The following DAB1 variants were observed in gnomAD, a reference collection of about 807,000 sequenced individuals.
DAB1 encodes disabled homolog 1.
A neutral mutation model predicts 64.6 loss-of-function variants in DAB1; 15 were observed. That is an observed-to-expected ratio of 0.23 (90% CI 0.16 to 0.36). DAB1 has a LOEUF of 0.36. Among genes scored for constraint, DAB1 ranks in the 10% least tolerant of loss-of-function variants. The pLI is 1.00. For synonymous variants in DAB1, 235 were observed against 251.9 expected, an observed-to-expected ratio of 0.93 and a Z score of 0.64; for missense variants, 596 against 706.7, an observed-to-expected ratio of 0.84 and a Z score of 1.78.
chr1:58,500,689 T>A (rs1175130097), intron 3 of DAB1, among the ~76,000 whole-genome samples: 1 of 152,168 alleles, frequency 6.6e-6, no homozygotes, highest in African/African-American at 2.4e-5. Context: ...AACATAACCA[T>A]AAACAATGAG....
At chr1:57,029,592 C>A (rs1646903091) in intron 9 of DAB1, among the ~76,000 whole-genome samples, 1 of 152,168 alleles carries the variant, frequency 6.6e-6, no homozygotes, top group Non-Finnish European at 1.5e-5. Flanking sequence ...GAGGCTGTAC[C>A]CTGCAAAGCC....
At chr1:58,028,144 T>G (rs1646920997) in intron 5 of DAB1, among the ~76,000 whole-genome samples, 1 of 149,980 alleles carries the variant, frequency 6.7e-6, no homozygotes, top group Non-Finnish European at 1.5e-5. Context: ...TCCTACAAGA[T>G]AGGCACAGTT....
intron 7 of DAB1, among the ~76,000 whole-genome samples, chr1:57,469,520 C>A (rs941298753): frequency 2.0e-5 from 3 of 152,164 alleles, no homozygotes; most frequent in African/African-American, 7.2e-5. Context: ...ACCAACAGCC[C>A]CAGGTCCACT....
chr1:58,420,907 G>C (rs1644765422), intron 3 of DAB1, among the ~76,000 whole-genome samples: 1 of 152,074 alleles, frequency 6.6e-6, no homozygotes, highest in Non-Finnish European at 1.5e-5. Context: ...GCAGCTCCCT[G>C]GTATGCCAAG....
chr1:58,295,435 T>G (rs1661946619), intron 4 of DAB1, among the ~76,000 whole-genome samples: 2 of 152,106 alleles, frequency 1.3e-5, no homozygotes, highest in African/African-American at 2.4e-5. Context: ...AAGCATTTTG[T>G]AACCCTCTCT....
chr1:57,669,852 A>G (rs1646490199), intron 6 of DAB1, among the ~76,000 whole-genome samples: 1 of 152,188 alleles, frequency 6.6e-6, no homozygotes, highest in East Asian at 1.9e-4. Context: ...AGAAGTCTGA[A>G]AAACAGTACA....
intron 7 of DAB1, among the ~76,000 whole-genome samples, chr1:57,544,981 T>A (rs1406005410): frequency 6.6e-6 from 1 of 152,200 alleles, no homozygotes; most frequent in Non-Finnish European, 1.5e-5. Context: ...ACTAATACAA[T>A]GCCTCTCCTC....
At chr1:57,136,940 T>C (rs1182136379) in intron 3 of DAB1, among the ~76,000 whole-genome samples, 2 of 152,204 alleles carry the variant, frequency 1.3e-5, no homozygotes, top group Non-Finnish European at 2.9e-5. Flanking sequence ...GGTCCCAAGA[T>C]AGACACAATA....
chr1:57,725,520 A>G (rs866024807), intron 6 of DAB1, among the ~76,000 whole-genome samples: 25 of 152,280 alleles, frequency 1.6e-4, no homozygotes, highest in African/African-American at 5.8e-4. Context: ...CAGTAGTTTC[A>G]TTAACATAGC....
At chr1:58,110,506 T>C (rs1651912330) in intron 5 of DAB1, among the ~76,000 whole-genome samples, 1 of 152,216 alleles carries the variant, frequency 6.6e-6, no homozygotes, top group African/African-American at 2.4e-5. Context: ...TTTGATTTAC[T>C]TTTTGTGTCA....
intron 2 of DAB1, among the ~76,000 whole-genome samples, chr1:57,198,696 A>C (rs1664850861): frequency 1.6e-5 from 2 of 125,618 alleles, no homozygotes; most frequent in Non-Finnish European, 1.8e-5. Flanking sequence ...CACACCCATC[A>C]ACTTTTCCTG....
intron 4 of DAB1, among the ~76,000 whole-genome samples, chr1:58,267,633 G>T (rs1661202647): frequency 6.6e-6 from 1 of 152,148 alleles, no homozygotes; most frequent in South Asian, 2.1e-4. Flanking sequence ...AAATCTCCTG[G>T]GATGGGGAAG....
rs146567435 is a variant in DAB1, at chr1:58,229,950, G to A, written n.310-79362C>T. On this transcript the variant is annotated intron_variant and non_coding_transcript_variant, in intron 4 of 20. Transcript: ENST00000485760. ...ACAGATAGTGGCAGATCTGAGATGA[G>A]AACTCAGGTCTCTTTGCTCCCAGTC... Among the ~76,000 whole-genome samples, 909 of 152,278 alleles carry A rather than the reference G, an allele frequency of 6.0e-3. 5 individuals carry two copies. Among genetic ancestry groups the A allele is most frequent in the African/African-American group, 0.021 (869 of 41,562 alleles).
chr1:57,610,148 C>T (rs1014083085), intron 7 of DAB1, among the ~76,000 whole-genome samples: 2 of 152,190 alleles, frequency 1.3e-5, no homozygotes, highest in African/African-American at 4.8e-5. Context: ...CAGTTCAAGA[C>T]TTGCCAGTTA....
chr1:57,941,381 T>G (rs752071417), intron 5 of DAB1, among the ~76,000 whole-genome samples: 1 of 152,228 alleles, frequency 6.6e-6, no homozygotes, highest in Non-Finnish European at 1.5e-5. Context: ...ATTTTATCAC[T>G]TCTTTGGACT....
At chr1:58,339,710 T>C (rs763761110) in intron 4 of DAB1, among the ~76,000 whole-genome samples, 22 of 152,192 alleles carry the variant, frequency 1.4e-4, no homozygotes, top group Non-Finnish European at 2.4e-4. Context: ...TTTTAACCTA[T>C]TGAGCTAAAA....
chr1:58,518,105 G>C (rs945288821), intron 2 of DAB1, among the ~76,000 whole-genome samples: 3 of 150,592 alleles, frequency 2.0e-5, no homozygotes, highest in Non-Finnish European at 4.4e-5. Context: ...AGAATCGCTT[G>C]AACACAGGAG....
intron 7 of DAB1, among the ~76,000 whole-genome samples, chr1:57,633,447 T>G (rs913695582): frequency 6.6e-6 from 1 of 152,128 alleles, no homozygotes; most frequent in Non-Finnish European, 1.5e-5. Context: ...TGGCCCAATG[T>G]GTGGTGGGCA....
At chr1:57,455,386 C>G (rs922355974) in intron 7 of DAB1, among the ~76,000 whole-genome samples, 19 of 152,116 alleles carry the variant, frequency 1.2e-4, no homozygotes, top group Admixed American at 7.9e-4. Flanking sequence ...GAATAAACAG[C>G]ATCAGAATCT....
Sources: gnomAD v4.1 joint callset for allele counts (sites outside exome capture counted in the v4.1 genomes callset) on GRCh38, gnomAD v4.1.1 for gene constraint, MANE v1.5 for transcripts, NCBI Gene and HGNC (gene_info 2026-07-23, HGNC 2026-07-21) for gene names.